The following SVOPL variants were observed in gnomAD, a reference collection of about 807,000 sequenced individuals.
SVOPL encodes putative transporter SVOPL.
A neutral mutation model predicts 61.0 loss-of-function variants in SVOPL; 60 were observed. That is an observed-to-expected ratio of 0.98 (90% CI 0.80 to 1.22). The LOEUF (loss-of-function observed/expected upper bound fraction) is 1.22. SVOPL is among the 50% of genes most tolerant of loss of function. SVOPL has a pLI of 0.00. For synonymous variants in SVOPL, 279 were observed against 250.0 expected (o/e 1.12, Z -1.09); for missense variants, 662 against 643.9 (o/e 1.03, Z -0.30).
chr7:138,674,341 T>C (rs998827729), intron 3 of SVOPL, among the ~76,000 whole-genome samples: 1 of 151,920 alleles, frequency 6.6e-6, no homozygotes, highest in African/African-American at 2.4e-5. Flanking sequence ...CTATGGCCTC[T>C]GAATAAGGGC....
chr7:138,698,423 C>T (rs570940711), intron 1 of SVOPL, among the ~76,000 whole-genome samples: 7 of 152,222 alleles, frequency 4.6e-5, no homozygotes, highest in Admixed American at 4.6e-4. Flanking sequence ...CACCCCCTCG[C>T]TAGACTAGAG....
chr7:138,612,601 G>A (rs1799103861), intron 14 of SVOPL, among the ~76,000 whole-genome samples: 2 of 149,018 alleles, frequency 1.3e-5, no homozygotes, highest in South Asian at 4.2e-4. Context: ...CTGCACCTCC[G>A]CCTCCCAGGT....
chr7:138,680,750 T>C (rs1382757437), intron 1 of SVOPL, among the ~76,000 whole-genome samples: 1 of 152,132 alleles, frequency 6.6e-6, no homozygotes, highest in Non-Finnish European at 1.5e-5. Context: ...GGCTAATTTT[T>C]TGTATTTTTA....
intron 8 of SVOPL, chr7:138,646,001 A>G (rs1801087129): frequency 6.3e-6 from 1 of 158,070 alleles, no homozygotes; most frequent in Non-Finnish European, 1.4e-5. Flanking sequence ...TTTTTAGTAG[A>G]GATGGGGTTT....
intron 14 of SVOPL, among the ~76,000 whole-genome samples, chr7:138,619,917 A>ACC (rs1157247300): frequency 2.0e-5 from 3 of 152,002 alleles, no homozygotes; most frequent in African/African-American, 7.3e-5. Context: ...CAAGCACAGC[A>ACC]CCCTGGTTCT....
intron 11 of SVOPL, 25 bp from the exon 12 acceptor site, chr7:138,627,486 T>C (rs754689011): frequency 2.5e-6 from 4 of 1,580,890 alleles, no homozygotes; most frequent in Middle Eastern, 1.7e-4. Context: ...GTAAAGATAA[T>C]TTCTGGAACC....
At chr7:138,651,726 A>G (rs1801444134) in intron 7 of SVOPL, among the ~76,000 whole-genome samples, 1 of 152,118 alleles carries the variant, frequency 6.6e-6, no homozygotes, top group South Asian at 2.1e-4. Flanking sequence ...GCACCTGTAT[A>G]AGATATGAAC....
rs1026498282 is a variant in SVOPL at position 138,660,638 on chromosome 7, G to C, written c.346-650C>G. 34 of 985,230 alleles carry C rather than the reference G, an allele frequency of 3.5e-5. No individual in the cohort carries two copies. In the Admixed American group the frequency reaches 2.1e-3, roughly 61 times the overall value. 61.0% of individuals were successfully genotyped at this position (985,230 alleles called of 1,614,324 possible). Reference sequence around the variant, plus strand: ...TCTTCTCATTATTAAAATAAGCTGCGATGATATCTGTACATAAGTCGTTAT... The same window carrying C: ...TCTTCTCATTATTAAAATAAGCTGCCATGATATCTGTACATAAGTCGTTAT... On this transcript the variant is annotated intron_variant, in intron 5 of 15. Transcript: ENST00000674285.
intron 13 of SVOPL, among the ~76,000 whole-genome samples, chr7:138,623,833 T>C (rs1457378610): frequency 6.6e-6 from 1 of 152,214 alleles, no homozygotes. Flanking sequence ...AATTTTTTTT[T>C]TCTTTTTGAG....
chr7:138,613,888 T>C (rs534923261), intron 14 of SVOPL, among the ~76,000 whole-genome samples: 1 of 152,262 alleles, frequency 6.6e-6, no homozygotes, highest in South Asian at 2.1e-4. Context: ...TTCAACAATG[T>C]GACATTAACC....
At chr7:138,682,248 G>C (rs574496490) in intron 1 of SVOPL, among the ~76,000 whole-genome samples, 1 of 152,284 alleles carries the variant, frequency 6.6e-6, no homozygotes, top group Non-Finnish European at 1.5e-5. Context: ...GGTGAACTTT[G>C]CTATGAGAGG....
In SVOPL at chr7:138,663,068, A is replaced by G. The variant is rs781396472; in HGVS notation, c.345+6T>C. 5 of 1,614,012 alleles carry G rather than the reference A, an allele frequency of 3.1e-6. No individual in the cohort carries two copies. Among genetic ancestry groups the G allele is most frequent in the Non-Finnish European group, 4.2e-6 (5 of 1,180,032 alleles). ...ATTCCAAATGCTACTGTGAGGCCCCACCTACCTTCCAGCGGCCATATCTGT... is the reference window on the plus strand; with the variant it reads ...ATTCCAAATGCTACTGTGAGGCCCCGCCTACCTTCCAGCGGCCATATCTGT... On this transcript the variant is annotated splice_donor_region_variant and intron_variant, in intron 5 of 15. Coordinates refer to ENST00000674285, the MANE Select transcript of SVOPL (RefSeq NM_001139456.2).
chr7:138,683,202 TA>T (rs138018870), intron 1 of SVOPL, among the ~76,000 whole-genome samples: 98 of 152,234 alleles, frequency 6.4e-4, no homozygotes, highest in African/African-American at 2.2e-3. Flanking sequence ...GGATTTATTT[TA>T]AAATAAATAA....
intron 1 of SVOPL, among the ~76,000 whole-genome samples, chr7:138,697,935 T>C (rs760031617): frequency 6.6e-6 from 1 of 151,360 alleles, no homozygotes; most frequent in Non-Finnish European, 1.5e-5. Flanking sequence ...TCTTTACGTA[T>C]AATTTTATGC....
At chr7:138,636,690 C>T (rs994762389) in intron 9 of SVOPL, among the ~76,000 whole-genome samples, 7 of 152,030 alleles carry the variant, frequency 4.6e-5, no homozygotes, top group South Asian at 2.1e-4. Context: ...AGGCTGGTCT[C>T]GAACTCTTGG....
At chr7:138,621,623 A>G (rs978055858) in intron 13 of SVOPL, among the ~76,000 whole-genome samples, 2 of 152,204 alleles carry the variant, frequency 1.3e-5, no homozygotes, top group Non-Finnish European at 1.5e-5. Flanking sequence ...GGATCTTACT[A>G]TGTTGGCCAT....
Position 138,628,374 on chromosome 7 carries a change from G to A in SVOPL, c.864-11C>T, listed in dbSNP as rs560598141. ...AAAGAGATTCCAAGCCTGGAAGAGAGAAAACAAAGTCACTAGCCAACGCTG... is the reference window on the plus strand; with the variant it reads ...AAAGAGATTCCAAGCCTGGAAGAGAAAAAACAAAGTCACTAGCCAACGCTG... On this transcript the variant is annotated splice_polypyrimidine_tract_variant and intron_variant, in intron 10 of 15. Coordinates refer to ENST00000674285, the MANE Select transcript of SVOPL (RefSeq NM_001139456.2). 5.0e-6 allele frequency: 8 copies of A among 1,613,386 alleles called. No homozygotes were observed. The East Asian group carries it at 8.9e-5, about 18-fold the overall frequency.
At chr7:138,663,230 G>C (rs753377126) in intron 4 of SVOPL, 85 bp from the exon 5 acceptor site, 3 of 1,555,846 alleles carry the variant, frequency 1.9e-6, no homozygotes, top group Non-Finnish European at 2.6e-6. Flanking sequence ...CTAGAAGTAG[G>C]CTGGAAATAC....
intron 9 of SVOPL, among the ~76,000 whole-genome samples, chr7:138,644,244 G>A (rs191137141): frequency 7.2e-6 from 1 of 138,994 alleles, no homozygotes; most frequent in East Asian, 2.2e-4. Context: ...TCTGCTCAAC[G>A]ATGTCTTGCT....
Sources: gnomAD v4.1 joint callset for allele counts (sites outside exome capture counted in the v4.1 genomes callset) on GRCh38, gnomAD v4.1.1 for gene constraint, MANE v1.5 for transcripts, NCBI Gene and HGNC (gene_info 2026-07-23, HGNC 2026-07-21) for gene names.